The following ETV6 variants were observed in gnomAD, a reference collection of about 807,000 sequenced individuals.
ETV6 encodes the protein ETS variant transcription factor 6.
Under a neutral mutation model 51.1 loss-of-function variants are expected in ETV6, and 16 were observed. The observed-to-expected ratio is 0.31, with a 90% CI of 0.21 to 0.48. The LOEUF is 0.48. ETV6 is among the 20% of genes least tolerant of loss of function. The pLI, the probability that ETV6 is intolerant of heterozygous loss-of-function variation, is 0.99. For missense variants in ETV6, 458 were observed against 594.8 expected (o/e 0.77, Z 2.39); for synonymous variants, 240 against 224.1 (o/e 1.07, Z -0.64).
Position 11,874,626 on chromosome 12 carries a change from GTGTA to G in ETV6, c.1009+4661_1009+4664del, listed in dbSNP as rs1426648381. ...TGTATGTGCGTGTGTACACACATAT[GTGTA>G]TGTGTGTGTGTATATACACATATGT... On this transcript the variant is annotated intron_variant, in intron 5 of 7. Transcript: ENST00000396373. 6.5e-4 allele frequency among the ~76,000 whole-genome samples: 7 copies of G among 10,812 alleles called. 3 individuals are homozygous for G. Among genetic ancestry groups the G allele is most frequent in the Non-Finnish European group, 1.9e-3 (2 of 1,042 alleles). 7.1% of individuals were successfully genotyped at this position (10,812 alleles called of 152,430 possible). A position where few individuals can be genotyped will look rare whatever the true frequency, so the allele number is the denominator to read the frequency against.
chr12:11,732,986 C>G (rs1156262698), intron 1 of ETV6, among the ~76,000 whole-genome samples: 1 of 152,186 alleles, frequency 6.6e-6, no homozygotes, highest in African/African-American at 2.4e-5. Flanking sequence ...GCTTCAAATT[C>G]TAGCACCACT....
intron 5 of ETV6, among the ~76,000 whole-genome samples, chr12:11,875,047 A>T (rs535304971): frequency 4.6e-3 from 234 of 51,412 alleles, no homozygotes; most frequent in Middle Eastern, 0.011. Flanking sequence ...AAGTATAATT[A>T]AAAAAAAAAG....
intron 2 of ETV6, chr12:11,825,543 G>A (rs1199412650): frequency 6.6e-6 from 1 of 152,158 alleles, no homozygotes; most frequent in Non-Finnish European, 1.5e-5. Flanking sequence ...TTCCATATAA[G>A]GACACCTGTC....
At position 11,667,854 on chromosome 12, in the gene ETV6, G is replaced by A. The variant is rs576202774; in HGVS notation, c.33+17694G>A. 7.9e-5 allele frequency among the ~76,000 whole-genome samples: 12 copies of A among 151,850 alleles called. No individual in the cohort carries two copies. In the South Asian group the frequency reaches 1.0e-3, roughly 13 times the overall value. On this transcript the variant is annotated intron_variant, in intron 1 of 7. Transcript: ENST00000396373. Reference sequence around the variant, plus strand: ...GTAGCTGGGATTACAGGTGCACGCTGCCACGCCCAGCTAAATTTTGTATTT... The same window carrying A: ...GTAGCTGGGATTACAGGTGCACGCTACCACGCCCAGCTAAATTTTGTATTT...
chr12:11,831,083 T>C (rs778788596), intron 2 of ETV6, among the ~76,000 whole-genome samples: 3 of 152,168 alleles, frequency 2.0e-5, no homozygotes, highest in Non-Finnish European at 2.9e-5. Context: ...TCCTGACTTA[T>C]CAACTGCATA....
At chr12:11,689,315 A>G (rs1041881103) in intron 1 of ETV6, among the ~76,000 whole-genome samples, 4 of 152,152 alleles carry the variant, frequency 2.6e-5, no homozygotes, top group African/African-American at 7.2e-5. Flanking sequence ...AATTAGGAAT[A>G]GTAGGGTCAG....
chr12:11,719,940 C>T (rs985482620), intron 1 of ETV6, among the ~76,000 whole-genome samples: 1 of 152,210 alleles, frequency 6.6e-6, no homozygotes, highest in Non-Finnish European at 1.5e-5. Flanking sequence ...GTCATTGGCT[C>T]TGAGTCATCC....
intron 2 of ETV6, among the ~76,000 whole-genome samples, chr12:11,797,536 C>G (rs552139980): frequency 4.7e-4 from 71 of 152,290 alleles, no homozygotes; most frequent in African/African-American, 1.7e-3. Context: ...GGGTAGGAAC[C>G]AAGATAGGCA....
chr12:11,687,527 G>A (rs1258104380), intron 1 of ETV6, among the ~76,000 whole-genome samples: 8 of 151,808 alleles, frequency 5.3e-5, no homozygotes. Context: ...CACATCCCTG[G>A]GTGCCAATCA....
Position 11,869,697 on chromosome 12 carries a change from C to G in ETV6, c.737C>G (p.Pro246Arg), listed in dbSNP as rs1946849520. Residue 246 changes from proline (P) to arginine (R), a missense_variant, in exon 5 of 8, where the codon CCA (proline) becomes CGA (arginine). By Grantham distance (103) the Pro-to-Arg change is moderately radical. Coordinates refer to ENST00000396373, the MANE Select transcript of ETV6 (RefSeq NM_001987.5). The surrounding 1 kb of genome is among the most constrained non-coding windows in gnomAD (Gnocchi z 5.0). ...TCTCCCATGGAGAATAATCACTGCC[C>G]AGCGTCCTCCGAGTCCCACCCGAAG... ...SVSPMENNHC[P>R]ASSESHPKPS... 1 of 1,614,006 alleles carries G rather than the reference C, an allele frequency of 6.2e-7. No individual in the cohort carries two copies. Among genetic ancestry groups the G allele is most frequent in the Non-Finnish European group, 8.5e-7 (1 of 1,180,038 alleles).
At chr12:11,662,851 T>C (rs1399128372) in intron 1 of ETV6, among the ~76,000 whole-genome samples, 1 of 152,240 alleles carries the variant, frequency 6.6e-6, no homozygotes, top group African/African-American at 2.4e-5. Context: ...TAGGGTCTCA[T>C]ATTATGAGAG....
chr12:11,779,031 A>T (rs1269674304), intron 2 of ETV6, among the ~76,000 whole-genome samples: 1 of 152,202 alleles, frequency 6.6e-6, no homozygotes, highest in East Asian at 1.9e-4. Context: ...TGTCCTTCCT[A>T]TATCTAGGCC....
intron 2 of ETV6, among the ~76,000 whole-genome samples, chr12:11,822,959 T>A (rs1018252586): frequency 3.9e-5 from 6 of 152,204 alleles, no homozygotes; most frequent in African/African-American, 7.2e-5. Context: ...CAGCCATTTT[T>A]AAAAATTATC....
intron 1 of ETV6, among the ~76,000 whole-genome samples, chr12:11,708,655 A>G (rs952373187): frequency 7.2e-5 from 11 of 152,184 alleles, no homozygotes; most frequent in Admixed American, 6.5e-5. Flanking sequence ...CAGGAATCGT[A>G]TATGTACCCT....
intron 2 of ETV6, among the ~76,000 whole-genome samples, chr12:11,753,710 G>A (rs1866083360): frequency 6.6e-6 from 1 of 152,194 alleles, no homozygotes; most frequent in Non-Finnish European, 1.5e-5. Context: ...CTGTGATATG[G>A]GGGCTCCTGG....
At chr12:11,792,234 A>G (rs956051906) in intron 2 of ETV6, among the ~76,000 whole-genome samples, 17 of 152,086 alleles carry the variant, frequency 1.1e-4, no homozygotes, top group African/African-American at 3.6e-4. Flanking sequence ...GTCAGATTTT[A>G]CCTGGATAGG....
chr12:11,650,009 T>A lies in ETV6; in HGVS notation c.-119T>A, dbSNP rs1340621708. ...CCCCCGGGGCGGCTGCCGGGAGAGA[T>A]GCTGGAAGAAACTTCTTAAATGACC... is the stretch of plus-strand genomic sequence containing the variant. On this transcript the variant is annotated 5_prime_UTR_variant, in exon 1 of 8. It removes an upstream start codon present in the reference 5' UTR. Transcript: ENST00000396373. 1.5e-5 allele frequency: 14 copies of A among 960,112 alleles called. No homozygotes were observed. Among genetic ancestry groups the A allele is most frequent in the Non-Finnish European group, 2.3e-5 (14 of 599,432 alleles). 59.5% of individuals were successfully genotyped at this position (960,112 alleles called of 1,614,324 possible). A position where few individuals can be genotyped will look rare whatever the true frequency, so the allele number is the denominator to read the frequency against.
intron 1 of ETV6, among the ~76,000 whole-genome samples, chr12:11,702,596 C>A (rs1048343325): frequency 5.3e-5 from 8 of 151,236 alleles, no homozygotes; most frequent in African/African-American, 1.9e-4. Context: ...TTCCCCACTG[C>A]CTGTAATCTC....
At chr12:11,836,372 G>A (rs1192072011) in intron 2 of ETV6, among the ~76,000 whole-genome samples, 1 of 152,172 alleles carries the variant, frequency 6.6e-6, no homozygotes, top group Non-Finnish European at 1.5e-5. Context: ...CCTCGAGCAG[G>A]TGGCTTGCTC....
Sources: allele counts gnomAD v4.1 joint callset (sites outside exome capture counted in the v4.1 genomes callset), GRCh38; gene constraint gnomAD v4.1.1; non-coding constraint Gnocchi (gnomAD v3.1); transcripts MANE v1.5; gene names NCBI Gene and HGNC (gene_info 2026-07-23, HGNC 2026-07-21).